SLC4A10: variants seen among roughly 807,000 people sequenced by gnomAD.
SLC4A10 encodes solute carrier family 4 member 10.
Under a neutral mutation model 137.7 loss-of-function variants are expected in SLC4A10, and 42 were observed. The ratio of observed to expected loss-of-function variants is 0.30; its 90% CI spans 0.24 to 0.39. SLC4A10 has a LOEUF of 0.39. Among genes scored for constraint, SLC4A10 ranks in the 10% least tolerant of loss-of-function variants. The pLI is 1.00. For missense variants in SLC4A10, 925 were observed against 1,355.0 expected (o/e 0.68, Z 4.98); for synonymous variants, 474 against 464.1 (o/e 1.02, Z -0.27).
chr2:161,688,804 T>C (rs953425500), intron 1 of SLC4A10, among the ~76,000 whole-genome samples: 1 of 152,174 alleles, frequency 6.6e-6, no homozygotes. Context: ...TTTTCTATTA[T>C]GGTCATGTGC....
chr2:161,972,339 T>G (rs912333303), intron 23 of SLC4A10, among the ~76,000 whole-genome samples: 4 of 152,196 alleles, frequency 2.6e-5, no homozygotes, highest in African/African-American at 4.8e-5. Context: ...GCTCTGCCCC[T>G]GACCGCCAGG....
At position 161,940,694 on chromosome 2, in the gene SLC4A10, G is replaced by C. The variant is rs183043891; in HGVS notation, c.1998-2098G>C. ...AGTTCTGGTGGAAAGCAATTAAGGG[G>C]AGGTTGGTAGCTTCGTGAAAGAGAC... On this transcript the variant is annotated intron_variant, in intron 15 of 26. Transcript: ENST00000446997. 5.3e-5 allele frequency among the ~76,000 whole-genome samples: 8 copies of C among 152,338 alleles called. No homozygotes were observed. The East Asian group carries it at 1.5e-3, about 29-fold the overall frequency.
chr2:161,947,491 G>A (rs1158781836), intron 16 of SLC4A10, 75 bp from the exon 17 acceptor site: 1 of 1,453,070 alleles, frequency 6.9e-7, no homozygotes, highest in East Asian at 2.4e-5. Flanking sequence ...CAATTGATCA[G>A]AAGGTGTTAG....
chr2:161,827,369 T>C (rs2058083576), intron 3 of SLC4A10, among the ~76,000 whole-genome samples: 1 of 152,224 alleles, frequency 6.6e-6, no homozygotes, highest in Non-Finnish European at 1.5e-5. Context: ...ACCTCAAAGT[T>C]AGCATATGCA....
intron 3 of SLC4A10, among the ~76,000 whole-genome samples, chr2:161,834,508 T>C (rs546649553): frequency 1.3e-5 from 2 of 152,320 alleles, no homozygotes; most frequent in South Asian, 4.1e-4. Context: ...GTCCTTGGTG[T>C]GAGTCTCTCA....
intron 21 of SLC4A10, among the ~76,000 whole-genome samples, chr2:161,959,624 T>G (rs920255744): frequency 4.6e-5 from 7 of 152,000 alleles, no homozygotes; most frequent in South Asian, 2.1e-4. Flanking sequence ...GAGAGAGAGA[T>G]AGAGGAGAAA....
chr2:161,817,925 C>T (rs1248883042), intron 3 of SLC4A10, among the ~76,000 whole-genome samples: 1 of 151,356 alleles, frequency 6.6e-6, no homozygotes, highest in Non-Finnish European at 1.5e-5. Flanking sequence ...ATGCCTCCAG[C>T]TTTGTTCTTT....
At chr2:161,660,198 T>A (rs900947657) in intron 1 of SLC4A10, among the ~76,000 whole-genome samples, 7 of 152,222 alleles carry the variant, frequency 4.6e-5, no homozygotes, top group Admixed American at 1.3e-4. Flanking sequence ...CTGCTAAAAA[T>A]AAAGAATTGC....
intron 1 of SLC4A10, among the ~76,000 whole-genome samples, chr2:161,632,914 C>T (rs2033820385): frequency 6.6e-6 from 1 of 151,544 alleles, no homozygotes; most frequent in African/African-American, 2.4e-5. Context: ...GCCTTTTTAA[C>T]AATAAATCAT....
At position 161,976,414 on chromosome 2, in the gene SLC4A10, A is replaced by G. The variant is rs561036161; in HGVS notation, c.3228-346A>G. Among the ~76,000 whole-genome samples the G allele has an allele frequency of 2.6e-5, 4 of 152,296 alleles. 1 individual carries two copies. Among genetic ancestry groups the G allele is most frequent in the African/African-American group, 7.2e-5 (3 of 41,558 alleles). Reference sequence around the variant, plus strand: ...AGGCACTTAGAGAAGTCAGAAACCTAGAGACAGAAAGTGGAATTATAGTTG... The same window carrying G: ...AGGCACTTAGAGAAGTCAGAAACCTGGAGACAGAAAGTGGAATTATAGTTG... On this transcript the variant is annotated intron_variant, in intron 24 of 26. Transcript: ENST00000446997.
At chr2:161,906,009 T>C (rs896956627) in intron 15 of SLC4A10, 122 bp downstream of exon 15, 3 of 1,269,562 alleles carry the variant, frequency 2.4e-6, no homozygotes, top group Non-Finnish European at 3.2e-6. Context: ...ATGACCTAAA[T>C]CCTGACTCTC....
intron 15 of SLC4A10, among the ~76,000 whole-genome samples, chr2:161,927,390 G>A (rs560418829): frequency 9.9e-4 from 150 of 152,158 alleles, no homozygotes; most frequent in African/African-American, 3.6e-3. Flanking sequence ...TAGTTCTCAA[G>A]CCTTGGCTTT....
chr2:161,643,246 G>C (rs1230761050), intron 1 of SLC4A10, among the ~76,000 whole-genome samples: 1 of 152,022 alleles, frequency 6.6e-6, no homozygotes, highest in Non-Finnish European at 1.5e-5. Context: ...GCTATTAAAT[G>C]AATAGAAATC....
At chr2:161,750,288 A>T (rs2048831926) in intron 1 of SLC4A10, among the ~76,000 whole-genome samples, 1 of 151,434 alleles carries the variant, frequency 6.6e-6, no homozygotes, top group African/African-American at 2.4e-5. Context: ...CTCTGCTAAC[A>T]TTGGGTTTAG....
At chr2:161,627,580 A>G (rs1000319676) in intron 1 of SLC4A10, among the ~76,000 whole-genome samples, 4 of 152,166 alleles carry the variant, frequency 2.6e-5, no homozygotes, top group African/African-American at 9.6e-5. Context: ...TAGTATATAT[A>G]AAGTACATTT....
At chr2:161,765,894 C>A (rs1254256709) in intron 1 of SLC4A10, among the ~76,000 whole-genome samples, 1 of 152,058 alleles carries the variant, frequency 6.6e-6, no homozygotes, top group Non-Finnish European at 1.5e-5. Flanking sequence ...CATCATACCC[C>A]ATGTTTACTT....
intron 11 of SLC4A10, among the ~76,000 whole-genome samples, chr2:161,895,957 C>T (rs2105238130): frequency 6.6e-6 from 1 of 150,848 alleles, no homozygotes; most frequent in South Asian, 2.1e-4. Context: ...GTTGCCATTG[C>T]TTTTGGTGTT....
At chr2:161,696,473 A>C (rs2042520727) in intron 1 of SLC4A10, among the ~76,000 whole-genome samples, 1 of 75,162 alleles carries the variant, frequency 1.3e-5, no homozygotes, top group Non-Finnish European at 2.4e-5. Context: ...ACCCCACAAC[A>C]GTCCCCAGAG....
At chr2:161,929,449 A>T (rs1223487786) in intron 15 of SLC4A10, among the ~76,000 whole-genome samples, 1 of 152,234 alleles carries the variant, frequency 6.6e-6, no homozygotes, top group Non-Finnish European at 1.5e-5. Flanking sequence ...AACAGCTTAA[A>T]CACGTGTTGT....
Sources: allele counts gnomAD v4.1 joint callset (sites outside exome capture counted in the v4.1 genomes callset), GRCh38; gene constraint gnomAD v4.1.1; transcripts MANE v1.5; gene names NCBI Gene and HGNC (gene_info 2026-07-23, HGNC 2026-07-21).